Variants in ANKS1B observed in about 807,000 individuals in gnomAD.
ANKS1B encodes the protein ankyrin repeat and sterile alpha motif domain-containing protein 1B.
ANKS1B carries 36 observed loss-of-function variants against 148.3 expected under a neutral mutation model. The observed-to-expected ratio is 0.24, with a 90% CI of 0.19 to 0.32. ANKS1B has a LOEUF of 0.32. Ranked by LOEUF, ANKS1B falls within the 10% of genes least tolerant of loss-of-function variation. The pLI is 1.00. For missense variants in ANKS1B, 1,157 were observed against 1,542.6 expected (o/e 0.75, Z 4.19); for synonymous variants, 542 against 560.8 (o/e 0.97, Z 0.47).
intron 17 of ANKS1B, among the ~76,000 whole-genome samples, chr12:98,881,953 T>A (rs2099709125): frequency 6.6e-6 from 1 of 152,142 alleles, no homozygotes; most frequent in Non-Finnish European, 1.5e-5. Context: ...ATCTATCTCA[T>A]GTAAGGCAAA....
At chr12:98,967,027 T>A (rs1266833270) in intron 17 of ANKS1B, among the ~76,000 whole-genome samples, 1 of 151,996 alleles carries the variant, frequency 6.6e-6, no homozygotes, top group Non-Finnish European at 1.5e-5. Context: ...ACCCTAGAAC[T>A]TAAAGTATAA....
intron 9 of ANKS1B, among the ~76,000 whole-genome samples, chr12:99,519,092 A>G (rs1391054621): frequency 6.6e-6 from 1 of 152,056 alleles, no homozygotes. Flanking sequence ...AATGCTTAAT[A>G]TTATCTAAAT....
chr12:99,639,656 T>TG (rs956344859), intron 9 of ANKS1B, among the ~76,000 whole-genome samples: 1 of 152,234 alleles, frequency 6.6e-6, no homozygotes. Flanking sequence ...CGAGATCTGA[T>TG]GGTTTTAAAA....
intron 17 of ANKS1B, among the ~76,000 whole-genome samples, chr12:98,962,196 A>C (rs1293486862): frequency 6.6e-6 from 1 of 151,740 alleles, no homozygotes; most frequent in Non-Finnish European, 1.5e-5. Context: ...AACCCGCTTC[A>C]CCTATAAAGA....
intron 12 of ANKS1B, among the ~76,000 whole-genome samples, chr12:99,251,186 C>G (rs2074538567): frequency 6.6e-6 from 1 of 152,058 alleles, no homozygotes; most frequent in Admixed American, 6.6e-5. Flanking sequence ...ATATTTGGAC[C>G]ATGGCAAGAA....
At chr12:99,842,631 A>G (rs544354468) in intron 1 of ANKS1B, among the ~76,000 whole-genome samples, 49 of 151,886 alleles carry the variant, frequency 3.2e-4, no homozygotes, top group African/African-American at 9.9e-4. Flanking sequence ...CCTCTTGGTA[A>G]TTTTCCATCC....
intron 12 of ANKS1B, among the ~76,000 whole-genome samples, chr12:99,328,240 C>T (rs1283877140): frequency 6.6e-6 from 1 of 151,942 alleles, no homozygotes; most frequent in Non-Finnish European, 1.5e-5. Context: ...GGCTGTAGTG[C>T]AGGAGAAGGG....
intron 12 of ANKS1B, among the ~76,000 whole-genome samples, chr12:99,368,173 T>C (rs1158011727): frequency 6.6e-6 from 1 of 152,118 alleles, no homozygotes; most frequent in Non-Finnish European, 1.5e-5. Flanking sequence ...AGTTTTGTTG[T>C]ATTGGGGACA....
rs187301659 is a variant in ANKS1B at position 99,780,135 on chromosome 12, A to G, written c.746-163T>C. Among the ~76,000 whole-genome samples the G allele has an allele frequency of 4.3e-3, 654 of 152,010 alleles. 6 individuals carry two copies. The highest frequency in any genetic ancestry group is 0.014 in the African/African-American group (585 of 41,480). On this transcript the variant is annotated intron_variant, in intron 5 of 26. Transcript: ENST00000683438. The stretch of plus-strand genomic sequence containing the variant: ...CACACACATACACACACACATGCGC[A>G]CACACACACACACTCACACAAGATT...
intron 6 of ANKS1B, among the ~76,000 whole-genome samples, chr12:99,777,648 G>A (rs1244624908): frequency 2.0e-5 from 3 of 152,008 alleles, no homozygotes; most frequent in African/African-American, 7.2e-5. Flanking sequence ...GCAGTGGCGC[G>A]ATCTCGGCTC....
intron 17 of ANKS1B, among the ~76,000 whole-genome samples, chr12:98,994,589 A>G (rs745514623): frequency 6.6e-5 from 10 of 152,210 alleles, no homozygotes; most frequent in Non-Finnish European, 1.3e-4. Context: ...ACTGCACTCC[A>G]TCCTGGGTAA....
At chr12:99,821,524 G>C (rs1422453822) in intron 2 of ANKS1B, among the ~76,000 whole-genome samples, 1 of 150,582 alleles carries the variant, frequency 6.6e-6, no homozygotes, top group East Asian at 1.9e-4. Context: ...TCAACAGTTA[G>C]AACTTCATAG....
chr12:98,743,888 G>T, downstream of ANKS1B: 4 of 628,024 alleles, frequency 6.4e-6, no homozygotes, highest in South Asian at 7.1e-5. Flanking sequence ...AGTCCCTTTA[G>T]CTGTAGATGC....
chr12:99,078,233 A>G (rs1375697818), intron 16 of ANKS1B, among the ~76,000 whole-genome samples: 1 of 152,232 alleles, frequency 6.6e-6, no homozygotes, highest in African/African-American at 2.4e-5. Context: ...TTAGTTTATT[A>G]GAACCCGTTT....
At chr12:99,770,750 T>G (rs886193185) in intron 8 of ANKS1B, among the ~76,000 whole-genome samples, 2 of 152,054 alleles carry the variant, frequency 1.3e-5, no homozygotes, top group African/African-American at 4.8e-5. Flanking sequence ...ACACTTCTAC[T>G]CTCTCATCTT....
chr12:98,796,930 A>G (rs904650293), intron 22 of ANKS1B, among the ~76,000 whole-genome samples: 7 of 152,232 alleles, frequency 4.6e-5, no homozygotes, highest in Admixed American at 6.5e-5. Flanking sequence ...CTGAGATTCA[A>G]ATCATACATC....
At chr12:99,827,870 T>C (rs2083408938) in intron 1 of ANKS1B, among the ~76,000 whole-genome samples, 1 of 152,116 alleles carries the variant, frequency 6.6e-6, no homozygotes, top group South Asian at 2.1e-4. Context: ...ATACCACACA[T>C]AACTTACCAT....
intron 17 of ANKS1B, among the ~76,000 whole-genome samples, chr12:98,897,586 C>T (rs1016775358): frequency 2.6e-5 from 4 of 151,846 alleles, no homozygotes; most frequent in East Asian, 3.9e-4. Context: ...GTGAGGTTGC[C>T]GAGAAAAGGG....
chr12:99,687,852 T>C (rs1014363932), intron 8 of ANKS1B, among the ~76,000 whole-genome samples: 17 of 152,350 alleles, frequency 1.1e-4, no homozygotes, highest in African/African-American at 3.1e-4. Flanking sequence ...TTATGGCTTC[T>C]TTACACACAA....
Sources: allele counts gnomAD v4.1 joint callset (sites outside exome capture counted in the v4.1 genomes callset), GRCh38; gene constraint gnomAD v4.1.1; transcripts MANE v1.5; gene names NCBI Gene and HGNC (gene_info 2026-07-23, HGNC 2026-07-21).